Variants in USP22 observed in about 807,000 individuals in gnomAD.
USP22 encodes ubiquitin carboxyl-terminal hydrolase 22.
Under a neutral mutation model 68.1 loss-of-function variants are expected in USP22, and 22 were observed. The ratio of observed to expected loss-of-function variants is 0.32; its 90% CI spans 0.23 to 0.46. The LOEUF (loss-of-function observed/expected upper bound fraction) is 0.46. Among genes scored for constraint, USP22 ranks in the 20% least tolerant of loss-of-function variants. USP22 has a pLI of 1.00. For missense variants in USP22, 433 were observed against 695.8 expected (o/e 0.62, Z 4.25); for synonymous variants, 279 against 274.2 (o/e 1.02, Z -0.17).
Position 21,019,120 on chromosome 17 carries a change from G to C in USP22, c.484C>G (p.Pro162Ala). Residue 162 changes from proline (P) to alanine (A), a missense_variant, in exon 4 of 13, where the codon CCG becomes GCG. Physicochemically the swap from Pro to Ala is conservative, Grantham distance 27. Around this residue, in one of 4 missense-constraint regions of USP22, gnomAD observed 144 missense variants for 237.2 expected, o/e 0.61. Transcript: ENST00000261497. Reference sequence around the variant, plus strand: ...TTCGAGGTGATCTTTCTCCTTTTCGGGTTGTGCTTCAGCAGTTCAAGCTCC... The same window carrying C: ...TTCGAGGTGATCTTTCTCCTTTTCGCGTTGTGCTTCAGCAGTTCAAGCTCC... ...KRELELLKHN[P>A]KRRKITSNCT... 1 of 1,614,160 alleles carries C rather than the reference G, an allele frequency of 6.2e-7. No homozygotes were observed. Among genetic ancestry groups the C allele is most frequent in the Non-Finnish European group, 8.5e-7 (1 of 1,180,002 alleles).
intron 6 of USP22, among the ~76,000 whole-genome samples, chr17:21,014,125 A>C (rs1567792580): frequency 6.6e-6 from 1 of 152,272 alleles, no homozygotes; most frequent in Non-Finnish European, 1.5e-5. Context: ...CGTGAAGGCC[A>C]CAAGGACAAA....
rs1284491581 is a variant in USP22, at chr17:20,999,783, A to C, written c.*3248T>G. Reference sequence around the variant, plus strand: ...TTTTATTTTCAAACTTACAGTAAACAAAACAATCACTTAAATTGTCAAAAG... The same window carrying C: ...TTTTATTTTCAAACTTACAGTAAACCAAACAATCACTTAAATTGTCAAAAG... On this transcript the variant is annotated 3_prime_UTR_variant, in exon 13 of 13. Transcript: ENST00000261497. 1 of 152,272 alleles carries C rather than the reference A, an allele frequency of 6.6e-6. No individual in the cohort carries two copies. The highest frequency in any genetic ancestry group is 1.5e-5 in the Non-Finnish European group (1 of 68,054). The allele number at this position is 152,272 out of a possible 1,614,324, so 9.4% of individuals were successfully genotyped here.
At chr17:21,021,354 G>A (rs1334247792) in intron 2 of USP22, 128 bp from the exon 3 acceptor site, 4 of 659,434 alleles carry the variant, frequency 6.1e-6, no homozygotes, top group Non-Finnish European at 1.1e-5. Context: ...CTATTCACAA[G>A]CAGGGAAGCC....
Position 21,042,730 on chromosome 17 carries a change from G to T in USP22, c.106C>A (p.Gln36Lys). 6.8e-7 allele frequency: 1 copy of T among 1,478,186 alleles called. No individual in the cohort carries two copies. The allele number at this position is 1,478,186 out of a possible 1,614,324, so 91.6% of individuals were successfully genotyped here. ...LGSFKVDNWK[Q>K]NLRAIYQCFV... ...CACTGGTAGATGGCCCGCAGGTTCT[G>T]CTTCCAGTTGTCCACCTTGAAGCTG... Residue 36 changes from glutamine (Q) to lysine (K), a missense_variant, in exon 1 of 13, where the codon CAG (glutamine) becomes AAG (lysine). By Grantham distance (53) the Gln-to-Lys change is moderately conservative. This residue lies in a region of USP22 where 110 missense variants were observed against 89.9 expected (regional missense o/e 1.22). Transcript: ENST00000261497.
chr17:21,034,019 G>A (rs1056562974), intron 1 of USP22, among the ~76,000 whole-genome samples: 4 of 151,844 alleles, frequency 2.6e-5, no homozygotes, highest in African/African-American at 9.7e-5. Context: ...AAAGTGCTGG[G>A]ATTACAGGCA....
At position 21,015,742 on chromosome 17, in the gene USP22, C is replaced by T; in HGVS notation, c.838+10G>A. The stretch of plus-strand genomic sequence containing the variant: ...CTGCCCTGGTGGAGGGTGCAGAGCC[C>T]AGGGCCCACCTTTGCAGTGTCGGTG... On this transcript the variant is annotated intron_variant, in intron 6 of 12. Coordinates refer to ENST00000261497, the MANE Select transcript of USP22 (RefSeq NM_015276.2). 6.2e-7 allele frequency: 1 copy of T among 1,611,466 alleles called. No individual in the cohort carries two copies. The highest frequency in any genetic ancestry group is 8.5e-7 in the Non-Finnish European group (1 of 1,179,348).
intron 10 of USP22, among the ~76,000 whole-genome samples, chr17:21,005,462 A>G (rs1913749141): frequency 6.6e-6 from 1 of 152,188 alleles, no homozygotes; most frequent in Non-Finnish European, 1.5e-5. Context: ...GGGGGAGAGG[A>G]GTGCTGGGAA....
chr17:21,021,185 G>C lies in USP22; in HGVS notation c.346C>G (p.Gln116Glu). ...MYGGIYCFLC[Q>E]DYIYDKDMEI... The stretch of plus-strand genomic sequence containing the variant: ...ATGTCTTTGTCATAGATGTAGTCCT[G>C]GCACAGAAAACAGTAGATGCCTCCG... The change falls in exon 3 of 13, where the codon CAG becomes GAG. Residue 116 changes from glutamine to glutamate, a missense_variant. Gln to Glu is a conservative substitution (Grantham distance 29). Transcript: ENST00000261497. 2 of 1,614,110 alleles carry C rather than the reference G, an allele frequency of 1.2e-6. No homozygotes were observed. Among genetic ancestry groups the C allele is most frequent in the Non-Finnish European group, 1.7e-6 (2 of 1,179,978 alleles).
rs1001338924 is a variant in USP22, at chr17:21,000,952, C to G, written c.*2079G>C. 1 of 149,676 alleles carries G rather than the reference C, an allele frequency of 6.7e-6. No homozygotes were observed. Among genetic ancestry groups the G allele is most frequent in the South Asian group, 2.1e-4 (1 of 4,722 alleles). The allele number at this position is 149,676 out of a possible 1,614,324, so 9.3% of individuals were successfully genotyped here. A position where few individuals can be genotyped will look rare whatever the true frequency, so the allele number is the denominator to read the frequency against. Reference sequence around the variant, plus strand: ...GTAGTCCCAGCTACTTGGGAGGCTGCGGCACGAGAACTGCTTGAACCCAGG... The same window carrying G: ...GTAGTCCCAGCTACTTGGGAGGCTGGGGCACGAGAACTGCTTGAACCCAGG... On this transcript the variant is annotated 3_prime_UTR_variant, in exon 13 of 13. Coordinates refer to ENST00000261497, the MANE Select transcript of USP22 (RefSeq NM_015276.2).
chr17:21,001,201 C>CT lies in USP22; in HGVS notation c.*1829dup, dbSNP rs1300331463. On this transcript the variant is annotated 3_prime_UTR_variant, in exon 13 of 13. Coordinates refer to ENST00000261497, the MANE Select transcript of USP22 (RefSeq NM_015276.2). ...TATAAAACATGCTTCCATGTGAATT[C>CT]TTTAAGTGCAGAAAAACAACAGAAA... 5.9e-5 allele frequency: 9 copies of CT among 152,176 alleles called. No individual in the cohort carries two copies. Among genetic ancestry groups the CT allele is most frequent in the Admixed American group, 5.9e-4 (9 of 15,276 alleles). The allele number at this position is 152,176 out of a possible 1,614,324, so 9.4% of individuals were successfully genotyped here.
rs1241605863 is a variant in USP22, at chr17:20,999,900, G to C, written c.*3131C>G. ...TGTTGCAGTGGTGCTGGCGCTGGAG[G>C]GAATGCCCAGGGAGGCTGCAGTGCT... On this transcript the variant is annotated 3_prime_UTR_variant, in exon 13 of 13. Transcript: ENST00000261497. 3 of 152,272 alleles carry C rather than the reference G, an allele frequency of 2.0e-5. No individual in the cohort carries two copies. Among genetic ancestry groups the C allele is most frequent in the Admixed American group, 2.0e-4 (3 of 15,288 alleles). 9.4% of individuals were successfully genotyped at this position (152,272 alleles called of 1,614,324 possible).
chr17:21,033,606 G>C (rs1250428853), intron 1 of USP22, among the ~76,000 whole-genome samples: 1 of 152,140 alleles, frequency 6.6e-6, no homozygotes, highest in African/African-American at 2.4e-5. Flanking sequence ...ACCACCTTAA[G>C]AGCTAGTGCA....
chr17:21,028,796 T>C, intron 1 of USP22, 122 bp from the exon 2 acceptor site: 1 of 1,262,070 alleles, frequency 7.9e-7, no homozygotes, highest in Non-Finnish European at 1.1e-6. Flanking sequence ...GAATTCCATC[T>C]TCAAGGCTTA....
intron 2 of USP22, among the ~76,000 whole-genome samples, chr17:21,022,808 A>AAC (rs1441554470): frequency 1.3e-5 from 2 of 149,344 alleles, no homozygotes; most frequent in Non-Finnish European, 3.0e-5. Context: ...CAAAAAAAAA[A>AAC]AAAAACCAAA....
At chr17:21,017,625 G>C (rs1228871099) in intron 5 of USP22, among the ~76,000 whole-genome samples, 2 of 152,164 alleles carry the variant, frequency 1.3e-5, no homozygotes, top group Admixed American at 1.3e-4. Context: ...GAGCCAGGAA[G>C]GTAGACCATG....
In USP22 at chr17:21,002,954, G is replaced by A. The variant is rs1381046738; in HGVS notation, c.*77C>T. 4.4e-5 allele frequency: 66 copies of A among 1,509,952 alleles called. No homozygotes were observed. Among genetic ancestry groups the A allele is most frequent in the Non-Finnish European group, 5.5e-5 (62 of 1,117,768 alleles). 93.5% of individuals were successfully genotyped at this position (1,509,952 alleles called of 1,614,324 possible). A position where few individuals can be genotyped will look rare whatever the true frequency, so the allele number is the denominator to read the frequency against. ...GGGAGGCGGCGGGAGACTTGGGGGA[G>A]GGGGGGGCCAGGGAGGATCACTTTG... is the stretch of plus-strand genomic sequence containing the variant. On this transcript the variant is annotated 3_prime_UTR_variant, in exon 13 of 13. Coordinates refer to ENST00000261497, the MANE Select transcript of USP22 (RefSeq NM_015276.2).
At chr17:21,004,375 G>C (rs765205458) in intron 11 of USP22, 24 bp from the exon 12 acceptor site, 1 of 1,611,320 alleles carries the variant, frequency 6.2e-7, no homozygotes, top group South Asian at 1.1e-5. Context: ...AAAGGAGAGG[G>C]AGGGCGCAGG....
Position 21,007,926 on chromosome 17 carries a change from A to C in USP22, c.1174T>G (p.Ser392Ala). The C allele has an allele frequency of 1.2e-6, 2 of 1,613,916 alleles. No individual in the cohort carries two copies. The highest frequency in any genetic ancestry group is 1.7e-6 in the Non-Finnish European group (2 of 1,179,980). ...KCSGCHSYQESTKQLTMKKLP... is the reference protein window; with the variant it reads ...KCSGCHSYQEATKQLTMKKLP... ...TTCTTCATAGTGAGCTGCTTTGTGG[A>C]CTCCTGGTAGCTATGGCAACCGCTG... is the stretch of plus-strand genomic sequence containing the variant. Residue 392 changes from serine to alanine, a missense_variant, in exon 9 of 13, where the codon TCC becomes GCC. By Grantham distance (99) the Ser-to-Ala change is moderately conservative. This residue lies in a region of USP22 where 178 missense variants were observed against 351.5 expected (regional missense o/e 0.51). Transcript: ENST00000261497.
chr17:21,042,837 G>A lies in USP22; in HGVS notation c.-2C>T, dbSNP rs1250061920. The A allele has an allele frequency of 3.7e-6, 5 of 1,340,174 alleles. No homozygotes were observed. Among genetic ancestry groups the A allele is most frequent in the South Asian group, 1.8e-5 (1 of 55,064 alleles). The allele number at this position is 1,340,174 out of a possible 1,614,324, so 83.0% of individuals were successfully genotyped here. A position where few individuals can be genotyped will look rare whatever the true frequency, so the allele number is the denominator to read the frequency against. ...CTCGGGCTCTGGCCGGGACACCATG[G>A]GGGGCAAGGCCCGGCCGCGCGCGGG... is the stretch of plus-strand genomic sequence containing the variant. On this transcript the variant is annotated 5_prime_UTR_variant, in exon 1 of 13. Transcript: ENST00000261497.
Sources: allele counts gnomAD v4.1 joint callset (sites outside exome capture counted in the v4.1 genomes callset), GRCh38; gene constraint gnomAD v4.1.1; regional missense constraint gnomAD v4.1.1; transcripts MANE v1.5; gene names NCBI Gene and HGNC (gene_info 2026-07-23, HGNC 2026-07-21).